The following C18orf32 variants were observed in gnomAD, a reference collection of about 807,000 sequenced individuals.
C18orf32 encodes chromosome 18 open reading frame 32.
C18orf32 carries 5 observed loss-of-function variants against 7.4 expected under a neutral mutation model. The ratio of observed to expected loss-of-function variants is 0.68; its 90% confidence interval spans 0.35 to 1.42. C18orf32 has a LOEUF of 1.42. Among genes scored for constraint, C18orf32 ranks in the 40% most tolerant of loss-of-function variants. C18orf32 has a pLI of 0.04. For synonymous variants in C18orf32, 30 were observed against 29.3 expected, an observed-to-expected ratio of 1.02 and a Z score of -0.08; for missense variants, 88 against 92.4, an observed-to-expected ratio of 0.95 and a Z score of 0.19.
rs1225421494 is a variant in C18orf32, at chr18:49,478,072, G to A, written c.*4273C>T. 6.7e-6 allele frequency: 1 copy of A among 149,264 alleles called. No individual in the cohort carries two copies. The highest frequency in any genetic ancestry group is 6.6e-5 in the Admixed American group (1 of 15,146). 9.2% of individuals were successfully genotyped at this position (149,264 alleles called of 1,614,324 possible). A position where few individuals can be genotyped will look rare whatever the true frequency, so the allele number is the denominator to read the frequency against. The stretch of plus-strand genomic sequence containing the variant: ...TTTTTTTAAGACAGGGTCTTGCTCT[G>A]TTGTCCAAGCTAGAGTGCAGTGGCT... On this transcript the variant is annotated 3_prime_UTR_variant, in exon 3 of 3. Coordinates refer to ENST00000318240, the MANE Select transcript of C18orf32 (RefSeq NM_001035005.4).
intron 1 of C18orf32, among the ~76,000 whole-genome samples, chr18:49,485,572 A>T (rs34205783): frequency 0.062 from 9,325 of 151,392 alleles, 427 homozygotes; most frequent in East Asian, 0.21. Flanking sequence ...AAAAAAATAA[A>T]AATAAAATAA....
chr18:49,482,359 T>C lies in C18orf32; in HGVS notation c.217A>G (p.Lys73Glu), dbSNP rs2083671357. 3 of 1,612,606 alleles carry C rather than the reference T, an allele frequency of 1.9e-6. No individual in the cohort carries two copies. Among genetic ancestry groups the C allele is most frequent in the East Asian group, 2.2e-5 (1 of 44,866 alleles). The change falls in exon 3 of 3, where the codon AAA becomes GAA. Residue 73 changes from lysine (K) to glutamate (E), a missense_variant. Transcript: ENST00000318240. ...GGAAAATTTCTTTAGTCTTTCTTTT[T>C]ATCACAGATTTCTGTTGGTCCTTTT... ...PTKGPTEICD[K>E]KKD is the part of the protein sequence containing the mutation.
Position 49,482,314 on chromosome 18 carries a change from T to C in C18orf32, c.*31A>G. ...TGCTTCATATTATCAGGTCCATTTT[T>C]TAAATGATGGGGTCCTTTAGGAAAA... On this transcript the variant is annotated 3_prime_UTR_variant, in exon 3 of 3. Coordinates refer to ENST00000318240, the MANE Select transcript of C18orf32 (RefSeq NM_001035005.4). The C allele has an allele frequency of 6.5e-7, 1 of 1,531,702 alleles. No homozygotes were observed. Among genetic ancestry groups the C allele is most frequent in the Admixed American group, 1.7e-5 (1 of 59,054 alleles). 94.9% of individuals were successfully genotyped at this position (1,531,702 alleles called of 1,614,324 possible). A position where few individuals can be genotyped will look rare whatever the true frequency, so the allele number is the denominator to read the frequency against.
chr18:49,485,563 A>T (rs114594828), intron 1 of C18orf32, among the ~76,000 whole-genome samples: 7,539 of 151,978 alleles, frequency 0.05, 228 homozygotes, highest in Middle Eastern at 0.11. Context: ...TCAGAAAAAA[A>T]AAAAATAAAA....
intron 2 of C18orf32, among the ~76,000 whole-genome samples, 153 bp from the exon 3 acceptor site, chr18:49,482,563 C>A (rs567298737): frequency 6.6e-6 from 1 of 151,990 alleles, no homozygotes; most frequent in South Asian, 2.1e-4. Context: ...CCCGTCCCTA[C>A]TAAAAATACA....
At chr18:49,483,088 C>T (rs888205775) in intron 2 of C18orf32, among the ~76,000 whole-genome samples, 3 of 151,978 alleles carry the variant, frequency 2.0e-5, no homozygotes, top group Non-Finnish European at 4.4e-5. Flanking sequence ...CGTGAGCTAC[C>T]GCGCCCAGCT....
chr18:49,485,303 C>T (rs1471131063), intron 1 of C18orf32, among the ~76,000 whole-genome samples: 1 of 152,078 alleles, frequency 6.6e-6, no homozygotes, highest in Non-Finnish European at 1.5e-5. Flanking sequence ...GCCTGTAATC[C>T]AAGCACCTTG....
At position 49,480,394 on chromosome 18, in the gene C18orf32, C is replaced by T. The variant is rs1029717286; in HGVS notation, c.*1951G>A. 1 of 151,838 alleles carries T rather than the reference C, an allele frequency of 6.6e-6. No homozygotes were observed. The highest frequency in any genetic ancestry group is 2.4e-5 in the African/African-American group (1 of 41,316). 9.4% of individuals were successfully genotyped at this position (151,838 alleles called of 1,614,324 possible). On this transcript the variant is annotated 3_prime_UTR_variant, in exon 3 of 3. Coordinates refer to ENST00000318240, the MANE Select transcript of C18orf32 (RefSeq NM_001035005.4). Reference sequence around the variant, plus strand: ...GGAGATAAATTTAAAAAGCCCACAGCTCAGTAGGTAAAACCTTTGAGGAGC... The same window carrying T: ...GGAGATAAATTTAAAAAGCCCACAGTTCAGTAGGTAAAACCTTTGAGGAGC...
rs1021009394 is a variant in C18orf32, at chr18:49,477,540, G to A, written c.*4805C>T. On this transcript the variant is annotated 3_prime_UTR_variant, in exon 3 of 3. Coordinates refer to ENST00000318240, the MANE Select transcript of C18orf32 (RefSeq NM_001035005.4). ...TATGCCTGTGATCCCAGCACTTTGGGAGGCCAAGGCAGGCAGATCACTGGA... is the reference window on the plus strand; with the variant it reads ...TATGCCTGTGATCCCAGCACTTTGGAAGGCCAAGGCAGGCAGATCACTGGA... 4 of 150,394 alleles carry A rather than the reference G, an allele frequency of 2.7e-5. No homozygotes were observed. The highest frequency in any genetic ancestry group is 5.9e-5 in the Non-Finnish European group (4 of 68,098). 9.3% of individuals were successfully genotyped at this position (150,394 alleles called of 1,614,324 possible). A position where few individuals can be genotyped will look rare whatever the true frequency, so the allele number is the denominator to read the frequency against.
Position 49,480,309 on chromosome 18 carries a change from C to A in C18orf32, c.*2036G>T, listed in dbSNP as rs2083650520. On this transcript the variant is annotated 3_prime_UTR_variant, in exon 3 of 3. Transcript: ENST00000318240. Reference sequence around the variant, plus strand: ...CTCCAGCACCTGGGTGACAGTGAGACCCTGTCTCAAAAAATAAAATGTTTA... The same window carrying A: ...CTCCAGCACCTGGGTGACAGTGAGAACCTGTCTCAAAAAATAAAATGTTTA... 6.6e-6 allele frequency: 1 copy of A among 151,584 alleles called. No individual in the cohort carries two copies. Among genetic ancestry groups the A allele is most frequent in the Non-Finnish European group, 1.5e-5 (1 of 67,916 alleles). 9.4% of individuals were successfully genotyped at this position (151,584 alleles called of 1,614,324 possible).
chr18:49,484,197 C>CAT (rs1415000179), intron 1 of C18orf32, among the ~76,000 whole-genome samples: 1,008 of 41,072 alleles, frequency 0.025, 30 homozygotes, highest in African/African-American at 0.11. Flanking sequence ...CACACACACA[C>CAT]ACACGAAAGG....
rs758336982 is a variant in C18orf32 at position 49,478,861 on chromosome 18, T to C, written c.*3484A>G. The C allele has an allele frequency of 3.7e-4, 53 of 141,358 alleles. 1 individual carries two copies. The highest frequency in any genetic ancestry group is 2.6e-3 in the Admixed American group (39 of 14,804). 8.8% of individuals were successfully genotyped at this position (141,358 alleles called of 1,614,324 possible). On this transcript the variant is annotated 3_prime_UTR_variant, in exon 3 of 3. Transcript: ENST00000318240. ...GTGAATTTTTCATAAAATTAACACT[T>C]TTCATACGCTTATTCAAACTGATGG...
rs1297253262 is a variant in C18orf32 at position 49,480,042 on chromosome 18, T to G, written c.*2303A>C. 6.6e-6 allele frequency: 1 copy of G among 152,178 alleles called. No individual in the cohort carries two copies. Among genetic ancestry groups the G allele is most frequent in the Non-Finnish European group, 1.5e-5 (1 of 68,064 alleles). The allele number at this position is 152,178 out of a possible 1,614,324, so 9.4% of individuals were successfully genotyped here. On this transcript the variant is annotated 3_prime_UTR_variant, in exon 3 of 3. Coordinates refer to ENST00000318240, the MANE Select transcript of C18orf32 (RefSeq NM_001035005.4). ...AAGTTGATGGCTCAAAATATAACAG[T>G]ATAGCCAGGCAGTGGCTCATGCCTG...
rs1443507508 is a variant in C18orf32 at position 49,480,429 on chromosome 18, G to A, written c.*1916C>T. 6.6e-6 allele frequency: 1 copy of A among 152,072 alleles called. No homozygotes were observed. Among genetic ancestry groups the A allele is most frequent in the East Asian group, 1.9e-4 (1 of 5,194 alleles). The allele number at this position is 152,072 out of a possible 1,614,324, so 9.4% of individuals were successfully genotyped here. A position where few individuals can be genotyped will look rare whatever the true frequency, so the allele number is the denominator to read the frequency against. On this transcript the variant is annotated 3_prime_UTR_variant, in exon 3 of 3. Coordinates refer to ENST00000318240, the MANE Select transcript of C18orf32 (RefSeq NM_001035005.4). ...AAAACCTTTGAGGAGCAAAGAAGTA[G>A]GGACAATTAGAAACGTTGCAATATT... is the stretch of plus-strand genomic sequence containing the variant.
In C18orf32 at chr18:49,483,789, G is replaced by GA. The variant is rs748046543; in HGVS notation, c.-23-19dup. The GA allele has an allele frequency of 1.3e-6, 2 of 1,579,988 alleles. No homozygotes were observed. Among genetic ancestry groups the GA allele is most frequent in the African/African-American group, 1.4e-5 (1 of 72,170 alleles). On this transcript the variant is annotated intron_variant, in intron 1 of 2. Coordinates refer to ENST00000318240, the MANE Select transcript of C18orf32 (RefSeq NM_001035005.4). ...CTCCTCAACTGTTGATATATGTGAA[G>GA]AAAAAAATTAGTTCATCACAGATTA...
Position 49,479,061 on chromosome 18 carries a change from AAAC to A in C18orf32, c.*3281_*3283del, listed in dbSNP as rs977319405. 1.6e-4 allele frequency: 25 copies of A among 152,328 alleles called. No individual in the cohort carries two copies. The highest frequency in any genetic ancestry group is 4.8e-4 in the African/African-American group (20 of 41,580). The allele number at this position is 152,328 out of a possible 1,614,324, so 9.4% of individuals were successfully genotyped here. Reference sequence around the variant, plus strand: ...TGCTTTTAAAATGTTGCTAGTATGAAAACAACGACTGGGAACCAGTGTTCTAGA... The same window carrying A: ...TGCTTTTAAAATGTTGCTAGTATGAAAACGACTGGGAACCAGTGTTCTAGA... On this transcript the variant is annotated 3_prime_UTR_variant, in exon 3 of 3. Transcript: ENST00000318240.
At position 49,481,102 on chromosome 18, in the gene C18orf32, C is replaced by A. The variant is rs913620034; in HGVS notation, c.*1243G>T. The A allele has an allele frequency of 5.3e-5, 8 of 152,124 alleles. No homozygotes were observed. The highest frequency in any genetic ancestry group is 1.0e-4 in the Non-Finnish European group (7 of 68,028). 9.4% of individuals were successfully genotyped at this position (152,124 alleles called of 1,614,324 possible). ...TGTTATTTTTATAATAGTATTTATA[C>A]CTTAAAAAAGTTTATTTGCTAATGA... On this transcript the variant is annotated 3_prime_UTR_variant, in exon 3 of 3. Coordinates refer to ENST00000318240, the MANE Select transcript of C18orf32 (RefSeq NM_001035005.4).
chr18:49,479,464 G>A lies in C18orf32; in HGVS notation c.*2881C>T, dbSNP rs753028453. On this transcript the variant is annotated 3_prime_UTR_variant, in exon 3 of 3. Transcript: ENST00000318240. ...ACGCAATCACAGTGCATTAACCTGT[G>A]CAGTGAGCAATAGTATTCTCCCAGG... 1 of 152,384 alleles carries A rather than the reference G, an allele frequency of 6.6e-6. No homozygotes were observed. Among genetic ancestry groups the A allele is most frequent in the Non-Finnish European group, 1.5e-5 (1 of 68,200 alleles). 9.4% of individuals were successfully genotyped at this position (152,384 alleles called of 1,614,324 possible).
At chr18:49,484,163 T>A (rs1291549243) in intron 1 of C18orf32, among the ~76,000 whole-genome samples, 1,966 of 66,672 alleles carry the variant, frequency 0.029, 49 homozygotes, top group African/African-American at 0.09. Context: ...TATATATATA[T>A]ATATACACAC....
Sources: gnomAD v4.1 joint callset for allele counts (sites outside exome capture counted in the v4.1 genomes callset) on GRCh38, gnomAD v4.1.1 for gene constraint, MANE v1.5 for transcripts, NCBI Gene and HGNC (gene_info 2026-07-23, HGNC 2026-07-21) for gene names.